The following PARP12 variants were observed in gnomAD, a reference collection of about 807,000 sequenced individuals.
The protein encoded by PARP12 is poly(ADP-ribose) polymerase family member 12.
PARP12 carries 59 observed loss-of-function variants against 72.4 expected under a neutral mutation model. The observed-to-expected ratio is 0.81, with a 90% CI of 0.66 to 1.01. PARP12 has a LOEUF of 1.01. PARP12 is among the 50% of genes least tolerant of loss of function. PARP12 has a pLI of 0.00. For missense variants in PARP12, 851 were observed against 914.0 expected, an observed-to-expected ratio of 0.93 and a Z score of 0.89; for synonymous variants, 403 against 371.4, an observed-to-expected ratio of 1.09 and a Z score of -0.98.
chr7:140,051,119 A>G (rs1054010022), intron 4 of PARP12, among the ~76,000 whole-genome samples: 5 of 152,226 alleles, frequency 3.3e-5, no homozygotes, highest in African/African-American at 1.2e-4. Flanking sequence ...AAATGTTTTC[A>G]TATTGCCTAT....
At chr7:140,033,499 G>A (rs1418609360) in intron 8 of PARP12, 1 of 985,338 alleles carries the variant, frequency 1.0e-6, no homozygotes, top group Non-Finnish European at 1.2e-6. Flanking sequence ...TATGGGCACT[G>A]TGGTCCCTCT....
intron 4 of PARP12, 91 bp from the exon 5 acceptor site, chr7:140,047,098 G>T: frequency 7.2e-7 from 1 of 1,396,434 alleles, no homozygotes; most frequent in Non-Finnish European, 9.5e-7. Context: ...GCTGCCCACT[G>T]ACCTGGGAAC....
At chr7:140,032,744 CAAG>C (rs952814377) in intron 8 of PARP12, among the ~76,000 whole-genome samples, 2 of 151,864 alleles carry the variant, frequency 1.3e-5, no homozygotes, top group Admixed American at 1.3e-4. Flanking sequence ...CCCTTTTGTG[CAAG>C]AAGAAAATAC....
At chr7:140,039,893 C>T (rs750236965) in intron 6 of PARP12, among the ~76,000 whole-genome samples, 1 of 152,120 alleles carries the variant, frequency 6.6e-6, no homozygotes, top group East Asian at 1.9e-4. Flanking sequence ...TCAAACTGCT[C>T]GCCATGAGTT....
In PARP12 at chr7:140,024,194, G is replaced by A; in HGVS notation, c.*366C>T. The A allele has an allele frequency of 3.1e-6, 1 of 320,056 alleles. No individual in the cohort carries two copies. Among genetic ancestry groups the A allele is most frequent in the South Asian group, 2.7e-5 (1 of 37,504 alleles). The allele number at this position is 320,056 out of a possible 1,614,324, so 19.8% of individuals were successfully genotyped here. A position where few individuals can be genotyped will look rare whatever the true frequency, so the allele number is the denominator to read the frequency against. ...AAACTATGATGCCATGAGACTCTGA[G>A]AAACCGAATCACTGCAGAGACAAAC... is the stretch of plus-strand genomic sequence containing the variant. On this transcript the variant is annotated 3_prime_UTR_variant, in exon 12 of 12. Coordinates refer to ENST00000263549, the MANE Select transcript of PARP12 (RefSeq NM_022750.4).
intron 11 of PARP12, chr7:140,025,165 G>A: frequency 2.2e-6 from 1 of 445,880 alleles, no homozygotes; most frequent in Non-Finnish European, 4.2e-6. Flanking sequence ...CTAAAGGCCT[G>A]TGGACACGTC....
At chr7:140,058,696 T>A (rs1054906423) in intron 1 of PARP12, among the ~76,000 whole-genome samples, 3 of 152,170 alleles carry the variant, frequency 2.0e-5, no homozygotes, top group Non-Finnish European at 4.4e-5. Context: ...TCCTAGTCTA[T>A]GGTACTTTGT....
At chr7:140,058,184 G>T in intron 1 of PARP12, 150 bp from the exon 2 acceptor site, 1 of 856,930 alleles carries the variant, frequency 1.2e-6, no homozygotes, top group Non-Finnish European at 1.8e-6. Flanking sequence ...GGTCCATAGG[G>T]TGGGCCCCAA....
chr7:140,035,113 A>G (rs1816098029), intron 7 of PARP12, among the ~76,000 whole-genome samples: 1 of 152,190 alleles, frequency 6.6e-6, no homozygotes, highest in South Asian at 2.1e-4. Context: ...AATATTAAAA[A>G]TTATAGGTGT....
intron 4 of PARP12, among the ~76,000 whole-genome samples, chr7:140,049,271 A>T (rs371238361): frequency 5.3e-5 from 8 of 152,338 alleles, no homozygotes; most frequent in Middle Eastern, 3.4e-3. Flanking sequence ...ACAAGGCTGA[A>T]AACAGCCACA....
intron 4 of PARP12, among the ~76,000 whole-genome samples, chr7:140,051,856 C>A (rs1325572676): frequency 6.6e-6 from 1 of 152,310 alleles, no homozygotes; most frequent in East Asian, 1.9e-4. Flanking sequence ...TCTGGTGAAG[C>A]TTTCTGGGCA....
At chr7:140,037,476 C>A (rs1312661504) in intron 7 of PARP12, among the ~76,000 whole-genome samples, 1 of 152,248 alleles carries the variant, frequency 6.6e-6, no homozygotes, top group Non-Finnish European at 1.5e-5. Context: ...TTGTCCTCCA[C>A]ACTTGGGGCT....
At chr7:140,042,616 C>T (rs553985315) in intron 5 of PARP12, among the ~76,000 whole-genome samples, 16 of 152,302 alleles carry the variant, frequency 1.1e-4, no homozygotes, top group South Asian at 8.3e-4. Context: ...GATACCTCTG[C>T]GTAAAACCAG....
intron 6 of PARP12, among the ~76,000 whole-genome samples, chr7:140,039,406 G>T (rs930127390): frequency 6.6e-6 from 1 of 152,198 alleles, no homozygotes; most frequent in African/African-American, 2.4e-5. Context: ...GGAAGATGCA[G>T]GTGGATGAGC....
chr7:140,051,040 T>C (rs1290731192), intron 4 of PARP12, among the ~76,000 whole-genome samples: 4 of 152,120 alleles, frequency 2.6e-5, no homozygotes, highest in Non-Finnish European at 4.4e-5. Context: ...GGAACCTTCA[T>C]CTGTAGTCAT....
At chr7:140,044,680 T>C (rs571566544) in intron 5 of PARP12, among the ~76,000 whole-genome samples, 2 of 152,346 alleles carry the variant, frequency 1.3e-5, no homozygotes, top group Non-Finnish European at 2.9e-5. Context: ...GGCTGATAGC[T>C]AACTTCTAAG....
chr7:140,046,833 T>TGTGTGTGTGTGTGTGTGTCACA, intron 5 of PARP12, 51 bp downstream of exon 5: 1 of 1,188,022 alleles, frequency 8.4e-7, no homozygotes, highest in Non-Finnish European at 1.2e-6. Context: ...TGTGTGTGTG[T>TGTGTGTGTGTGTGTGTGTCACA]CACACACAGA....
intron 3 of PARP12, 129 bp from the exon 4 acceptor site, chr7:140,054,892 G>A: frequency 1.4e-6 from 1 of 731,084 alleles, no homozygotes; most frequent in East Asian, 2.8e-5. Flanking sequence ...CGTGTTTGGG[G>A]TGAAAGTGCT....
At chr7:140,030,455 G>A (rs148569393) in intron 8 of PARP12, among the ~76,000 whole-genome samples, 2,552 of 152,238 alleles carry the variant, frequency 0.017, 34 homozygotes, top group Non-Finnish European at 0.027. Flanking sequence ...AAAATTAGCC[G>A]GGCATGGTGG....
Sources: allele counts gnomAD v4.1 joint callset (sites outside exome capture counted in the v4.1 genomes callset), GRCh38; gene constraint gnomAD v4.1.1; transcripts MANE v1.5; gene names NCBI Gene and HGNC (gene_info 2026-07-23, HGNC 2026-07-21).